Variants in PCDH1 observed in about 807,000 individuals in gnomAD.
PCDH1 encodes the protein protocadherin 1.
Under a neutral mutation model 74.6 loss-of-function variants are expected in PCDH1, and 23 were observed. That is an observed-to-expected ratio of 0.31 (90% CI 0.22 to 0.44). The LOEUF (loss-of-function observed/expected upper bound fraction) is 0.44. Among genes scored for constraint, PCDH1 ranks in the 20% least tolerant of loss-of-function variants. The probability of loss-of-function intolerance (pLI) is 1.00; values close to 1 mark genes in which losing one functional copy is unlikely to be tolerated. For missense variants in PCDH1, 1,214 were observed against 1,641.4 expected, an observed-to-expected ratio of 0.74 and a Z score of 4.50; for synonymous variants, 647 against 686.1, an observed-to-expected ratio of 0.94 and a Z score of 0.89.
At position 141,868,482 on chromosome 5, in the gene PCDH1, T is replaced by C; in HGVS notation, c.903+87A>G. 1 of 1,502,836 alleles carries C rather than the reference T, an allele frequency of 6.7e-7. No homozygotes were observed. Among genetic ancestry groups the C allele is most frequent in the Non-Finnish European group, 8.9e-7 (1 of 1,128,500 alleles). The allele number at this position is 1,502,836 out of a possible 1,614,324, so 93.1% of individuals were successfully genotyped here. A position where few individuals can be genotyped will look rare whatever the true frequency, so the allele number is the denominator to read the frequency against. On this transcript the variant is annotated intron_variant, in intron 2 of 4. Coordinates refer to ENST00000287008, the MANE Select transcript of PCDH1 (RefSeq NM_032420.5). This position sits in a 1 kb window ranked among gnomAD's most constrained non-coding sequence, Gnocchi z 4.8. Reference sequence around the variant, plus strand: ...TACAGTATTCTGGCAGTTTTTCCCCTAAGTGAAGGGAACTCTCACCTGGTT... The same window carrying C: ...TACAGTATTCTGGCAGTTTTTCCCCCAAGTGAAGGGAACTCTCACCTGGTT...
Position 141,863,370 on chromosome 5 carries a change from G to T in PCDH1, c.2961C>A (p.Ala987=), listed in dbSNP as rs148646734. 3.2e-6 allele frequency: 5 copies of T among 1,549,460 alleles called. No individual in the cohort carries two copies. Among genetic ancestry groups the T allele is most frequent in the Non-Finnish European group, 4.4e-6 (5 of 1,147,240 alleles). Residue 987 remains alanine, a synonymous_variant, in exon 3 of 5, where the codon GCC becomes GCA. Coordinates refer to ENST00000287008, the MANE Select transcript of PCDH1 (RefSeq NM_032420.5). The surrounding 1 kb of genome is among the most constrained non-coding windows in gnomAD (Gnocchi z 7.5). ...SIQLQPQSPS[A]SKKHQVVQDL... is the part of the protein sequence containing the mutation. ...CCTGTACCACCTGGTGCTTCTTGGA[G>T]GCTGAGGGTGACTGGGGCTGCAGCT... is the stretch of plus-strand genomic sequence containing the variant.
At chr5:141,855,224 C>G (rs1752288585) in intron 4 of PCDH1, among the ~76,000 whole-genome samples, 1 of 152,120 alleles carries the variant, frequency 6.6e-6, no homozygotes, top group African/African-American at 2.4e-5. Context: ...ATCCGCCTGC[C>G]TCAGCCTCCC....
At chr5:141,877,129 T>G (rs1753261140) in intron 1 of PCDH1, among the ~76,000 whole-genome samples, 1 of 152,224 alleles carries the variant, frequency 6.6e-6, no homozygotes, top group Admixed American at 6.5e-5. Context: ...TTCTCCTGCC[T>G]GAATCTGGAC....
At chr5:141,861,352 G>A (rs1337393790) in intron 3 of PCDH1, among the ~76,000 whole-genome samples, 7 of 152,144 alleles carry the variant, frequency 4.6e-5, no homozygotes, top group Non-Finnish European at 7.3e-5. Context: ...AACAGGTGGT[G>A]TGGTTTGGTT....
chr5:141,861,376 G>A (rs1752558945), intron 3 of PCDH1, among the ~76,000 whole-genome samples: 2 of 152,132 alleles, frequency 1.3e-5, no homozygotes, highest in Non-Finnish European at 1.5e-5. Context: ...TCTGAATGTT[G>A]GGAGAAGACA....
chr5:141,866,375 C>T (rs917665775), intron 2 of PCDH1, among the ~76,000 whole-genome samples: 3 of 152,252 alleles, frequency 2.0e-5, no homozygotes, highest in Non-Finnish European at 2.9e-5. Context: ...CGGGCACACC[C>T]TCCCACGCCA....
chr5:141,854,021 G>C lies in PCDH1; in HGVS notation c.*21C>G. 1 of 1,480,016 alleles carries C rather than the reference G, an allele frequency of 6.8e-7. No homozygotes were observed. The highest frequency in any genetic ancestry group is 9.0e-7 in the Non-Finnish European group (1 of 1,114,758). The allele number at this position is 1,480,016 out of a possible 1,614,324, so 91.7% of individuals were successfully genotyped here. A position where few individuals can be genotyped will look rare whatever the true frequency, so the allele number is the denominator to read the frequency against. On this transcript the variant is annotated 3_prime_UTR_variant, in exon 5 of 5. Coordinates refer to ENST00000287008, the MANE Select transcript of PCDH1 (RefSeq NM_032420.5). ...GCTGGCCGGCGGCTGGGGGAGGGGG[G>C]CCGGCCGGCCAGTAGGGGGCTCACA...
chr5:141,856,228 C>T (rs1488302592), intron 4 of PCDH1: 5 of 1,535,650 alleles, frequency 3.3e-6, no homozygotes, highest in Non-Finnish European at 4.4e-6. Flanking sequence ...ACATACCTGG[C>T]ACTCTGCCTC....
At chr5:141,856,999 A>G (rs1752373007) in intron 4 of PCDH1, among the ~76,000 whole-genome samples, 1 of 152,098 alleles carries the variant, frequency 6.6e-6, no homozygotes, top group Admixed American at 6.5e-5. Context: ...CACGTTCTAG[A>G]TGTATGACTT....
At position 141,868,474 on chromosome 5, in the gene PCDH1, T is replaced by A; in HGVS notation, c.903+95A>T. The A allele has an allele frequency of 6.7e-7, 1 of 1,497,374 alleles. No individual in the cohort carries two copies. The highest frequency in any genetic ancestry group is 1.4e-5 in the South Asian group (1 of 69,632). 92.8% of individuals were successfully genotyped at this position (1,497,374 alleles called of 1,614,324 possible). A position where few individuals can be genotyped will look rare whatever the true frequency, so the allele number is the denominator to read the frequency against. On this transcript the variant is annotated intron_variant, in intron 2 of 4. Coordinates refer to ENST00000287008, the MANE Select transcript of PCDH1 (RefSeq NM_032420.5). This position sits in a 1 kb window ranked among gnomAD's most constrained non-coding sequence, Gnocchi z 4.8. The stretch of plus-strand genomic sequence containing the variant: ...GGTCTCACTACAGTATTCTGGCAGT[T>A]TTTCCCCTAAGTGAAGGGAACTCTC...
intron 3 of PCDH1, chr5:141,862,622 T>G: frequency 1.0e-6 from 1 of 985,582 alleles, no homozygotes; most frequent in Middle Eastern, 5.2e-4. Context: ...TCGCTGCTTC[T>G]CTCAGTTCCA....
chr5:141,858,487 C>A (rs567033938), intron 3 of PCDH1, among the ~76,000 whole-genome samples: 5 of 152,254 alleles, frequency 3.3e-5, no homozygotes, highest in Admixed American at 2.0e-4. Context: ...GCATGAGGAG[C>A]CAGACTTGGA....
In PCDH1 at chr5:141,865,335, C is replaced by G; in HGVS notation, c.996G>C (p.Leu332=). ...CAGTGATAAGTCCAGTGTTCCTGTC[C>G]AGTCGAAGAAGACGCCTCACAACTT... ...APEVVRRLLR[L]DRNTGLITVQ... Residue 332 remains leucine (L), a synonymous_variant, in exon 3 of 5, where the codon CTG becomes CTC. Coordinates refer to ENST00000287008, the MANE Select transcript of PCDH1 (RefSeq NM_032420.5). This position sits in a 1 kb window ranked among gnomAD's most constrained non-coding sequence, Gnocchi z 4.4. 6.2e-7 allele frequency: 1 copy of G among 1,614,174 alleles called. No individual in the cohort carries two copies. The highest frequency in any genetic ancestry group is 1.3e-5 in the African/African-American group (1 of 75,046).
intron 4 of PCDH1, among the ~76,000 whole-genome samples, chr5:141,855,193 T>A (rs574725437): frequency 2.4e-4 from 36 of 152,200 alleles, no homozygotes; most frequent in African/African-American, 8.7e-4. Context: ...CAGGCTGGTC[T>A]TGAACTCCTG....
In PCDH1 at chr5:141,856,175, G is replaced by T. The variant is rs1051274976; in HGVS notation, c.3319+1077C>A. ...GGGCACTGGGTGGGTGAGGCTGGGTGCTGGGCAGAGTCCCACAGACCCCAG... is the reference window on the plus strand; with the variant it reads ...GGGCACTGGGTGGGTGAGGCTGGGTTCTGGGCAGAGTCCCACAGACCCCAG... On this transcript the variant is annotated intron_variant, in intron 4 of 4. Coordinates refer to ENST00000287008, the MANE Select transcript of PCDH1 (RefSeq NM_032420.5). The T allele has an allele frequency of 1.3e-5, 20 of 1,515,676 alleles. No individual in the cohort carries two copies. In the African/African-American group the frequency reaches 2.3e-4, roughly 18 times the overall value. 93.9% of individuals were successfully genotyped at this position (1,515,676 alleles called of 1,614,324 possible).
At chr5:141,871,981 T>C (rs901809375) in intron 1 of PCDH1, among the ~76,000 whole-genome samples, 1 of 152,214 alleles carries the variant, frequency 6.6e-6, no homozygotes, top group African/African-American at 2.4e-5. Context: ...AGTCTTTAGA[T>C]AAATCAAACA....
chr5:141,859,734 C>T (rs1166673243), intron 3 of PCDH1, among the ~76,000 whole-genome samples: 1 of 146,772 alleles, frequency 6.8e-6, no homozygotes, highest in Admixed American at 6.9e-5. Flanking sequence ...TCCATCACCC[C>T]CATTGCCACC....
intron 1 of PCDH1, among the ~76,000 whole-genome samples, chr5:141,874,792 C>A (rs540205250): frequency 6.6e-6 from 1 of 152,180 alleles, no homozygotes; most frequent in African/African-American, 2.4e-5. Context: ...TGTTACACAA[C>A]GGTCACTGCC....
At position 141,865,443 on chromosome 5, in the gene PCDH1, G is replaced by GA. The variant is rs767912162; in HGVS notation, c.904-17dup. ...TGGCCTTCACCTATAGGGCAGGAGAGAAAAACAAGGAGAACAGAGATGGTT... is the reference window on the plus strand; with the variant it reads ...TGGCCTTCACCTATAGGGCAGGAGAGAAAAAACAAGGAGAACAGAGATGGTT... On this transcript the variant is annotated splice_polypyrimidine_tract_variant and intron_variant, in intron 2 of 4. Coordinates refer to ENST00000287008, the MANE Select transcript of PCDH1 (RefSeq NM_032420.5). The surrounding 1 kb of genome is among the most constrained non-coding windows in gnomAD (Gnocchi z 4.4). 1.2e-6 allele frequency: 2 copies of GA among 1,602,786 alleles called. No individual in the cohort carries two copies. Among genetic ancestry groups the GA allele is most frequent in the African/African-American group, 2.7e-5 (2 of 74,576 alleles).
Sources: gnomAD v4.1 joint callset for allele counts (sites outside exome capture counted in the v4.1 genomes callset) on GRCh38, gnomAD v4.1.1 for gene constraint, Gnocchi (gnomAD v3.1) non-coding constraint, MANE v1.5 for transcripts, NCBI Gene and HGNC (gene_info 2026-07-23, HGNC 2026-07-21) for gene names.